Variants in PIGS observed in about 807,000 individuals in gnomAD.
PIGS encodes GPI-anchor transamidase component PIGS.
A neutral mutation model predicts 58.2 loss-of-function variants in PIGS; 37 were observed. The observed-to-expected ratio is 0.64, with a 90% CI of 0.49 to 0.84. The LOEUF (loss-of-function observed/expected upper bound fraction) is 0.84, where lower values mean the gene tolerates loss of function less well. Ranked by LOEUF, PIGS falls within the 40% of genes least tolerant of loss-of-function variation. The pLI is 0.00. For synonymous variants in PIGS, 269 were observed against 289.2 expected (o/e 0.93, Z 0.71); for missense variants, 629 against 710.8 (o/e 0.88, Z 1.31).
chr17:28,560,040 C>T lies in PIGS; in HGVS notation c.819+9G>A, dbSNP rs1379239796. 13 of 1,597,984 alleles carry T rather than the reference C, an allele frequency of 8.1e-6. No homozygotes were observed. The highest frequency in any genetic ancestry group is 5.6e-5 in the Admixed American group (3 of 53,992). Reference sequence around the variant, plus strand: ...TGAAAAGGACTCCTCAACTTGCTCCCGGTCTCACCTGAGAGTCCACAGAGA... The same window carrying T: ...TGAAAAGGACTCCTCAACTTGCTCCTGGTCTCACCTGAGAGTCCACAGAGA... On this transcript the variant is annotated intron_variant, in intron 7 of 11. Transcript: ENST00000308360.
intron 3 of PIGS, among the ~76,000 whole-genome samples, chr17:28,568,264 G>A (rs1434465499): frequency 4.0e-5 from 6 of 151,896 alleles, no homozygotes; most frequent in East Asian, 3.9e-4. Context: ...CACCACGCCC[G>A]GCTAATTTTT....
intron 4 of PIGS, 21 bp downstream of exon 4, chr17:28,563,797 T>C (rs774803892): frequency 1.5e-5 from 24 of 1,592,788 alleles, no homozygotes; most frequent in East Asian, 4.5e-5. Flanking sequence ...ATTAAAATGG[T>C]GTGCTCATCC....
At chr17:28,554,554 G>T in intron 11 of PIGS, 59 bp from the exon 12 acceptor site, 1 of 1,561,198 alleles carries the variant, frequency 6.4e-7, no homozygotes. Context: ...GGTGGAAAGG[G>T]TGCTGGGCCT....
At chr17:28,556,709 C>T (rs1387313206) in intron 9 of PIGS, 118 bp downstream of exon 9, 4 of 1,342,256 alleles carry the variant, frequency 3.0e-6, no homozygotes, top group East Asian at 4.8e-5. Flanking sequence ...TGGTGCCTGC[C>T]CCTCCCACAG....
intron 8 of PIGS, 112 bp from the exon 9 acceptor site, chr17:28,557,084 A>G: frequency 5.3e-6 from 6 of 1,135,298 alleles, no homozygotes; most frequent in Non-Finnish European, 7.7e-6. Flanking sequence ...CCCAACTAAC[A>G]ATCATTAGGA....
At position 28,553,923 on chromosome 17, in the gene PIGS, C is replaced by T. The variant is rs1198080040; in HGVS notation, c.*297G>A. On this transcript the variant is annotated 3_prime_UTR_variant, in exon 12 of 12. Coordinates refer to ENST00000308360, the MANE Select transcript of PIGS (RefSeq NM_033198.4). Reference sequence around the variant, plus strand: ...TATGTTGAGAAATGGGGCAAAAGAACAAACAGTCCTTGCCACAGAGGGAGA... The same window carrying T: ...TATGTTGAGAAATGGGGCAAAAGAATAAACAGTCCTTGCCACAGAGGGAGA... The T allele has an allele frequency of 2.4e-6, 1 of 419,632 alleles. No homozygotes were observed. Among genetic ancestry groups the T allele is most frequent in the Non-Finnish European group, 4.4e-6 (1 of 227,328 alleles). The allele number at this position is 419,632 out of a possible 1,614,324, so 26.0% of individuals were successfully genotyped here.
intron 3 of PIGS, among the ~76,000 whole-genome samples, chr17:28,567,948 T>C (rs1000000703): frequency 1.3e-5 from 2 of 152,186 alleles, no homozygotes; most frequent in Admixed American, 1.3e-4. Flanking sequence ...CCCTCGCCTT[T>C]TAGGTATTTA....
chr17:28,565,026 A>G (rs967359103), intron 3 of PIGS, among the ~76,000 whole-genome samples: 2 of 152,228 alleles, frequency 1.3e-5, no homozygotes, highest in Non-Finnish European at 2.9e-5. Flanking sequence ...GACCAATGTA[A>G]TATGTGAAGA....
intron 7 of PIGS, among the ~76,000 whole-genome samples, chr17:28,559,261 C>T (rs1433459784): frequency 1.3e-5 from 2 of 151,898 alleles, no homozygotes; most frequent in Non-Finnish European, 2.9e-5. Flanking sequence ...AGGCGTGAGC[C>T]GCCGCACCTG....
chr17:28,569,389 C>G (rs937159010), intron 3 of PIGS, among the ~76,000 whole-genome samples: 1 of 150,036 alleles, frequency 6.7e-6, no homozygotes, highest in African/African-American at 2.5e-5. Context: ...ATGGGAGGAT[C>G]GCTTGAGCCC....
At chr17:28,555,096 A>C in intron 10 of PIGS, 35 bp from the exon 11 acceptor site, 1 of 1,555,636 alleles carries the variant, frequency 6.4e-7, no homozygotes, top group Non-Finnish European at 8.8e-7. Flanking sequence ...AAGGTGGCTG[A>C]GACCACAAGG....
intron 6 of PIGS, 32 bp from the exon 7 acceptor site, chr17:28,560,223 C>T: frequency 6.2e-7 from 1 of 1,601,302 alleles, no homozygotes. Context: ...AAGTCAGAGG[C>T]TCTTGTGGAT....
intron 3 of PIGS, among the ~76,000 whole-genome samples, chr17:28,568,139 G>T (rs1567617656): frequency 1.3e-5 from 2 of 149,052 alleles, no homozygotes; most frequent in East Asian, 3.9e-4. Context: ...TGGAGTCTTT[G>T]TCACCCAGGC....
Position 28,560,057 on chromosome 17 carries a change from C to A in PIGS, c.811G>T (p.Asp271Tyr), listed in dbSNP as rs2070353662. Residue 271 changes from aspartate (D) to tyrosine (Y), a missense_variant, in exon 7 of 12, where the codon GAC becomes TAC. Physicochemically the swap from Asp to Tyr is radical, Grantham distance 160. Transcript: ENST00000308360. ...CTTGCTCCCGGTCTCACCTGAGAGT[C>A]CACAGAGAAGTTGCCAGCGGCACCG... ...ALGAAGNFSVDSQILYYAMLG... is the reference protein window; with the variant it reads ...ALGAAGNFSVYSQILYYAMLG... 6.2e-7 allele frequency: 1 copy of A among 1,610,554 alleles called. No homozygotes were observed. Among genetic ancestry groups the A allele is most frequent in the South Asian group, 1.1e-5 (1 of 90,734 alleles).
intron 11 of PIGS, among the ~76,000 whole-genome samples, 160 bp from the exon 12 acceptor site, chr17:28,554,655 G>A (rs1202377197): frequency 6.6e-6 from 1 of 152,008 alleles, no homozygotes; most frequent in East Asian, 1.9e-4. Flanking sequence ...ATTTTCCTAG[G>A]GTCAGCTTGA....
In PIGS at chr17:28,553,890, A is replaced by G. The variant is rs1206606203; in HGVS notation, c.*330T>C. On this transcript the variant is annotated 3_prime_UTR_variant, in exon 12 of 12. Transcript: ENST00000308360. ...ATAATGCTCCCTCCTCTCAGTGCACAAGTGTGCTATGTTGAGAAATGGGGC... is the reference window on the plus strand; with the variant it reads ...ATAATGCTCCCTCCTCTCAGTGCACGAGTGTGCTATGTTGAGAAATGGGGC... The G allele has an allele frequency of 5.8e-6, 2 of 343,824 alleles. No homozygotes were observed. Among genetic ancestry groups the G allele is most frequent in the African/African-American group, 4.2e-5 (2 of 47,292 alleles). The allele number at this position is 343,824 out of a possible 1,614,324, so 21.3% of individuals were successfully genotyped here.
chr17:28,571,444 C>G lies in PIGS; in HGVS notation c.34+19G>C, dbSNP rs752783532. 2.1e-5 allele frequency: 34 copies of G among 1,609,576 alleles called. No individual in the cohort carries two copies. The highest frequency in any genetic ancestry group is 4.5e-5 in the East Asian group (2 of 44,674). ...TGCCATCAGCTAGCTGCAGGCCCCC[C>G]ACCCGAAGCCCACCGCACCTAGGTG... On this transcript the variant is annotated intron_variant, in intron 1 of 11. Transcript: ENST00000308360.
In PIGS at chr17:28,563,330, G is replaced by A. The variant is rs1445622879; in HGVS notation, c.468+101C>T. The stretch of plus-strand genomic sequence containing the variant: ...ATTTTTTTTTGGAGAGTTTTCTGTA[G>A]CAAATGGAAGAAATGGGTAGCAATG... On this transcript the variant is annotated intron_variant, in intron 5 of 11. Coordinates refer to ENST00000308360, the MANE Select transcript of PIGS (RefSeq NM_033198.4). 1.6e-5 allele frequency: 17 copies of A among 1,061,674 alleles called. No individual in the cohort carries two copies. In the East Asian group the frequency reaches 4.1e-4, roughly 26 times the overall value. 65.8% of individuals were successfully genotyped at this position (1,061,674 alleles called of 1,614,324 possible). A position where few individuals can be genotyped will look rare whatever the true frequency, so the allele number is the denominator to read the frequency against.
rs541827364 is a variant in PIGS, at chr17:28,555,391, G to T, written c.1182-330C>A. The stretch of plus-strand genomic sequence containing the variant: ...CTTTCACCTTTTCTACCCTCTCTTT[G>T]AACAAATGGGGCCAATGGGACTTAG... On this transcript the variant is annotated intron_variant, in intron 10 of 11. Transcript: ENST00000308360. 6 of 301,932 alleles carry T rather than the reference G, an allele frequency of 2.0e-5. No individual in the cohort carries two copies. In the Admixed American group the frequency reaches 3.0e-4, roughly 15 times the overall value. 18.7% of individuals were successfully genotyped at this position (301,932 alleles called of 1,614,324 possible). A position where few individuals can be genotyped will look rare whatever the true frequency, so the allele number is the denominator to read the frequency against.
Sources: allele counts gnomAD v4.1 joint callset (sites outside exome capture counted in the v4.1 genomes callset), GRCh38; gene constraint gnomAD v4.1.1; transcripts MANE v1.5; gene names NCBI Gene and HGNC (gene_info 2026-07-23, HGNC 2026-07-21).